NECTIN3: variants seen among roughly 807,000 people sequenced by gnomAD.
NECTIN3 encodes the protein nectin cell adhesion molecule 3.
NECTIN3 carries 8 observed loss-of-function variants against 49.4 expected under a neutral mutation model. The ratio of observed to expected loss-of-function variants is 0.16; its 90% confidence interval spans 0.10 to 0.29. The LOEUF is 0.29. Ranked by LOEUF, NECTIN3 falls within the 10% of genes least tolerant of loss-of-function variation. NECTIN3 has a pLI of 1.00. For missense variants in NECTIN3, 581 were observed against 654.6 expected (o/e 0.89, Z 1.23); for synonymous variants, 277 against 241.1 (o/e 1.15, Z -1.38).
chr3:111,090,568 TTGTGTGTGTG>T (rs10596117), intron 1 of NECTIN3, among the ~76,000 whole-genome samples: 16 of 148,562 alleles, frequency 1.1e-4, no homozygotes, highest in East Asian at 2.0e-4. Context: ...GTTTGCTTGT[TTGTGTGTGTG>T]TGTGTGTGTG....
chr3:111,103,282 T>C (rs1207771571), intron 1 of NECTIN3, among the ~76,000 whole-genome samples: 5 of 152,110 alleles, frequency 3.3e-5, no homozygotes, highest in African/African-American at 1.2e-4. Flanking sequence ...TATCTCCCCA[T>C]TTACTTAGTT....
intron 7 of NECTIN3, among the ~76,000 whole-genome samples, chr3:111,167,056 A>C (rs2035332446): frequency 6.6e-6 from 1 of 152,202 alleles, no homozygotes; most frequent in African/African-American, 2.4e-5. Context: ...TGTCAGTTAG[A>C]AGTGAATTTT....
Position 111,169,079 on chromosome 3 carries a change from C to CTTTTTTTT in NECTIN3, c.1221+21616_1221+21623dup, listed in dbSNP as rs142606359. On this transcript the variant is annotated intron_variant, in intron 7 of 8. Transcript: ENST00000493615. ...TACTAGTATATCAGGACTATTCAAACTTTTTTTTTTTTTTTTTTTTTTTTT... is the reference window on the plus strand; with the variant it reads ...TACTAGTATATCAGGACTATTCAAACTTTTTTTTTTTTTTTTTTTTTTTTTTTTTTTTT... Among the ~76,000 whole-genome samples the CTTTTTTTT allele has an allele frequency of 9.6e-5, 10 of 104,106 alleles. 2 individuals are homozygous for CTTTTTTTT. Among genetic ancestry groups the CTTTTTTTT allele is most frequent in the African/African-American group, 3.6e-4 (8 of 22,168 alleles). The allele number at this position is 104,106 out of a possible 152,430, so 68.3% of individuals were successfully genotyped here.
chr3:111,140,937 TTC>T (rs1272942419), downstream of NECTIN3, among the ~76,000 whole-genome samples: 2 of 151,912 alleles, frequency 1.3e-5, no homozygotes, highest in Non-Finnish European at 2.9e-5. Context: ...GTGGTAATAT[TTC>T]TATACTTCCT....
intron 7 of NECTIN3, among the ~76,000 whole-genome samples, chr3:111,151,970 T>A (rs1468536598): frequency 2.6e-5 from 4 of 151,280 alleles, no homozygotes; most frequent in South Asian, 2.1e-4. Context: ...ACACACACAC[T>A]CAGGTGCATT....
At chr3:111,183,867 G>A (rs1489326563) in intron 7 of NECTIN3, among the ~76,000 whole-genome samples, 2 of 151,772 alleles carry the variant, frequency 1.3e-5, no homozygotes, top group Non-Finnish European at 2.9e-5. Flanking sequence ...CCATTTTGGG[G>A]GTTCACTGAG....
chr3:111,095,110 C>T (rs1056240008), intron 1 of NECTIN3, among the ~76,000 whole-genome samples: 3 of 152,100 alleles, frequency 2.0e-5, no homozygotes, highest in African/African-American at 7.2e-5. Context: ...ATTAGTGGAA[C>T]ATAGGGTTCT....
intron 1 of NECTIN3, among the ~76,000 whole-genome samples, chr3:111,094,333 A>ATTT (rs1251840570): frequency 3.3e-5 from 5 of 152,216 alleles, no homozygotes; most frequent in African/African-American, 1.2e-4. Context: ...GTGTGCATAC[A>ATTT]TGAAAATGGA....
At chr3:111,147,039 T>C (rs1302978487) in intron 6 of NECTIN3, among the ~76,000 whole-genome samples, 1 of 152,188 alleles carries the variant, frequency 6.6e-6, no homozygotes, top group African/African-American at 2.4e-5. Context: ...ACATTTCTCA[T>C]GACACTTTGG....
downstream of NECTIN3, among the ~76,000 whole-genome samples, chr3:111,138,365 G>T (rs1480841973): frequency 5.3e-5 from 8 of 151,314 alleles, no homozygotes; most frequent in Admixed American, 5.3e-4. Flanking sequence ...GTCTTTGAGG[G>T]GTTTGCACAG....
chr3:111,096,914 TG>T (rs2032618994), intron 1 of NECTIN3, among the ~76,000 whole-genome samples: 1 of 152,106 alleles, frequency 6.6e-6, no homozygotes, highest in Non-Finnish European at 1.5e-5. Context: ...AGAAGGGAAA[TG>T]TGGGGTGGGA....
intron 7 of NECTIN3, among the ~76,000 whole-genome samples, chr3:111,166,107 C>T (rs2035314233): frequency 6.6e-6 from 1 of 152,164 alleles, no homozygotes. Context: ...TCCTGGGTAG[C>T]TTCTCTCCAT....
At chr3:111,098,402 G>A (rs371704295) in intron 1 of NECTIN3, among the ~76,000 whole-genome samples, 6 of 152,130 alleles carry the variant, frequency 3.9e-5, no homozygotes, top group Non-Finnish European at 7.4e-5. Context: ...AAATCAAGCC[G>A]TGTTCCCTCC....
intron 1 of NECTIN3, chr3:111,193,414 G>A (rs1559825750): frequency 6.6e-7 from 1 of 1,516,016 alleles, no homozygotes; most frequent in East Asian, 2.5e-5. Context: ...TCTAACAAAT[G>A]TTTATTCTTA....
At chr3:111,091,595 A>G (rs1464110357) in intron 1 of NECTIN3, among the ~76,000 whole-genome samples, 1 of 152,026 alleles carries the variant, frequency 6.6e-6, no homozygotes, top group Non-Finnish European at 1.5e-5. Context: ...ATTTAGTGTA[A>G]TGTTATCAAA....
Position 111,135,218 on chromosome 3 carries a change from A to C in NECTIN3, c.*1003A>C, listed in dbSNP as rs2034535756. Reference sequence around the variant, plus strand: ...CAAATGGGTAAATGTACAGAAAGAAAATTTTAGAGTAAACTTGGAACTTTG... The same window carrying C: ...CAAATGGGTAAATGTACAGAAAGAACATTTTAGAGTAAACTTGGAACTTTG... On this transcript the variant is annotated 3_prime_UTR_variant, in exon 6 of 6. Transcript: ENST00000485303. 1.0e-6 allele frequency: 1 copy of C among 974,486 alleles called. No individual in the cohort carries two copies. Among genetic ancestry groups the C allele is most frequent in the South Asian group, 4.8e-5 (1 of 21,044 alleles). 60.4% of individuals were successfully genotyped at this position (974,486 alleles called of 1,614,324 possible).
intron 4 of NECTIN3, among the ~76,000 whole-genome samples, chr3:111,123,915 G>A (rs960494782): frequency 5.3e-4 from 81 of 152,226 alleles, no homozygotes; most frequent in African/African-American, 1.8e-3. Flanking sequence ...GGCATATATT[G>A]TTTTTTAAAT....
chr3:111,147,374 A>C (rs1262250711), intron 6 of NECTIN3: 1 of 1,423,768 alleles, frequency 7.0e-7, no homozygotes, highest in Non-Finnish European at 9.4e-7. Flanking sequence ...TAAATGTGAC[A>C]ATCACATATT....
At chr3:111,188,516 CTCT>C (rs2035760472), upstream of NECTIN3, among the ~76,000 whole-genome samples, 1 of 152,168 alleles carries the variant, frequency 6.6e-6, no homozygotes, top group South Asian at 2.1e-4. Context: ...TGAGAACTTT[CTCT>C]TCTTGTCCTT....
Sources: allele counts gnomAD v4.1 joint callset (sites outside exome capture counted in the v4.1 genomes callset), GRCh38; gene constraint gnomAD v4.1.1; transcripts MANE v1.5; gene names NCBI Gene and HGNC (gene_info 2026-07-23, HGNC 2026-07-21).